The following BAIAP2L2 variants were observed in gnomAD, a reference collection of about 807,000 sequenced individuals.
BAIAP2L2 encodes BAR/IMD domain containing adaptor protein 2 like 2, also known as BAR/IMD domain-containing adapter protein 2-like 2.
A neutral mutation model predicts 60.4 loss-of-function variants in BAIAP2L2; 65 were observed. The ratio of observed to expected loss-of-function variants is 1.08; its 90% CI spans 0.88 to 1.32. The LOEUF (loss-of-function observed/expected upper bound fraction) is 1.32, where lower values mean the gene tolerates loss of function less well. Ranked by LOEUF, BAIAP2L2 falls within the 40% of genes most tolerant of loss-of-function variation. The pLI is 0.00. For missense variants in BAIAP2L2, 836 were observed against 741.2 expected (o/e 1.13, Z -1.48); for synonymous variants, 344 against 301.7 (o/e 1.14, Z -1.45).
rs961055239 is a variant in BAIAP2L2 at position 38,085,018 on chromosome 22, G to A, written c.*282C>T. On this transcript the variant is annotated 3_prime_UTR_variant, in exon 14 of 14. Transcript: ENST00000381669. ...ACGGGGGCAGAAAAGGGGGAAAGAG[G>A]TTAGGGGGCAAGAGGTGGGCCCCCC... 2 of 419,834 alleles carry A rather than the reference G, an allele frequency of 4.8e-6. No individual in the cohort carries two copies. The highest frequency in any genetic ancestry group is 9.3e-5 in the East Asian group (2 of 21,426). 26.0% of individuals were successfully genotyped at this position (419,834 alleles called of 1,614,324 possible).
chr22:38,089,013 C>G (rs745383946), intron 9 of BAIAP2L2, 49 bp from the exon 10 acceptor site: 18 of 1,457,324 alleles, frequency 1.2e-5, no homozygotes, highest in Non-Finnish European at 1.5e-5. Flanking sequence ...TTCTTCCTGG[C>G]GTCTGCCCTC....
chr22:38,085,006 AGGG>A lies in BAIAP2L2; in HGVS notation c.*291_*293del. The A allele has an allele frequency of 2.8e-6, 1 of 356,762 alleles. No homozygotes were observed. Among genetic ancestry groups the A allele is most frequent in the Non-Finnish European group, 5.2e-6 (1 of 191,586 alleles). 22.1% of individuals were successfully genotyped at this position (356,762 alleles called of 1,614,324 possible). Reference sequence around the variant, plus strand: ...GGGCTCCTCCCCACGGGGGCAGAAAAGGGGGAAAGAGGTTAGGGGGCAAGAGGT... The same window carrying A: ...GGGCTCCTCCCCACGGGGGCAGAAAAGGAAAGAGGTTAGGGGGCAAGAGGT... On this transcript the variant is annotated 3_prime_UTR_variant, in exon 14 of 14. Coordinates refer to ENST00000381669, the MANE Select transcript of BAIAP2L2 (RefSeq NM_025045.6).
At chr22:38,104,717 T>C (rs1009271612) in intron 4 of BAIAP2L2, among the ~76,000 whole-genome samples, 23 of 152,118 alleles carry the variant, frequency 1.5e-4, no homozygotes, top group African/African-American at 5.6e-4. Flanking sequence ...AGGATGGTCT[T>C]GATTTCCTGA....
chr22:38,108,051 G>T, intron 3 of BAIAP2L2, 138 bp from the exon 4 acceptor site: 1 of 1,052,238 alleles, frequency 9.5e-7, no homozygotes, highest in Non-Finnish European at 1.4e-6. Flanking sequence ...TTCCCATATG[G>T]TTCTCTGGGA....
At chr22:38,087,416 C>T in intron 10 of BAIAP2L2, 152 bp from the exon 11 acceptor site, 1 of 867,486 alleles carries the variant, frequency 1.2e-6, no homozygotes, top group Non-Finnish European at 1.8e-6. Context: ...TCTGTTTTCA[C>T]CTGCAAGTGC....
At chr22:38,090,952 C>G (rs1434338109) in intron 7 of BAIAP2L2, 1 of 152,254 alleles carries the variant, frequency 6.6e-6, no homozygotes, top group African/African-American at 2.4e-5. Flanking sequence ...CCCTCTGTTT[C>G]CCTGCAGTAA....
At chr22:38,085,757 G>T (rs752391735) in intron 12 of BAIAP2L2, 25 bp from the exon 13 acceptor site, 3 of 1,576,304 alleles carry the variant, frequency 1.9e-6, no homozygotes, top group Non-Finnish European at 2.6e-6. Context: ...GGGAAGGGCT[G>T]GTTTGGTGGG....
At chr22:38,094,589 A>G (rs1015109488) in intron 7 of BAIAP2L2, among the ~76,000 whole-genome samples, 1 of 152,210 alleles carries the variant, frequency 6.6e-6, no homozygotes, top group African/African-American at 2.4e-5. Context: ...GAAAGTGTAC[A>G]CTGTAAATGG....
At position 38,107,851 on chromosome 22, in the gene BAIAP2L2, C is replaced by T. The variant is rs1386258615; in HGVS notation, c.276+1G>A. 6.2e-7 allele frequency: 1 copy of T among 1,613,200 alleles called. No individual in the cohort carries two copies. The highest frequency in any genetic ancestry group is 1.1e-5 in the South Asian group (1 of 91,078). ...TCCAGGCCCTGGGGCCTGATACTCA[C>T]CACCACCTCCAGGTCAGAGTTCAAG... On this transcript the variant is annotated splice_donor_variant, in intron 4 of 13. Coordinates refer to ENST00000381669, the MANE Select transcript of BAIAP2L2 (RefSeq NM_025045.6). LOFTEE classifies it high-confidence loss of function.
At position 38,110,681 on chromosome 22, in the gene BAIAP2L2, T is replaced by C. The variant is rs9622726; in HGVS notation, c.-156A>G. The C allele has an allele frequency of 0.33, 195,029 of 588,244 alleles. 33,843 individuals are homozygous for C. The highest frequency in any genetic ancestry group is 0.41 in the South Asian group (19,716 of 47,592). The allele number at this position is 588,244 out of a possible 1,614,324, so 36.4% of individuals were successfully genotyped here. ...GAGATGGAGGCCTGCCTCAGAGGAG[T>C]GGCAGCTTAATTATTCACCAACTCG... On this transcript the variant is annotated 5_prime_UTR_variant, in exon 1 of 14. Coordinates refer to ENST00000381669, the MANE Select transcript of BAIAP2L2 (RefSeq NM_025045.6).
intron 6 of BAIAP2L2, among the ~76,000 whole-genome samples, chr22:38,097,477 G>A (rs916332280): frequency 6.6e-6 from 1 of 152,256 alleles, no homozygotes; most frequent in African/African-American, 2.4e-5. Flanking sequence ...GGGGGGCAGG[G>A]GGACGGGTTT....
chr22:38,108,421 C>T, intron 2 of BAIAP2L2, 80 bp from the exon 3 acceptor site: 1 of 1,140,142 alleles, frequency 8.8e-7, no homozygotes, highest in Non-Finnish European at 1.3e-6. Flanking sequence ...CTGGAGGGGA[C>T]TGTGTCTGTC....
At chr22:38,110,067 CAGAGAGAGAGAGAG>C (rs1160105939) in intron 1 of BAIAP2L2, among the ~76,000 whole-genome samples, 1 of 4,174 alleles carries the variant, frequency 2.4e-4, no homozygotes, top group Non-Finnish European at 5.8e-4. Context: ...GAGAGAGAGA[CAGAGAGAGAGAGAG>C]ACAGAGAGAG....
chr22:38,102,981 G>A lies in BAIAP2L2; in HGVS notation c.277-4499C>T, dbSNP rs962285267. On this transcript the variant is annotated intron_variant, in intron 4 of 13. Transcript: ENST00000381669. ...GAATGGCGTGAACCTGGGAGGCGGA[G>A]CTTGCAGTGAGCCGATATCACACCA... is the stretch of plus-strand genomic sequence containing the variant. Among the ~76,000 whole-genome samples the A allele has an allele frequency of 9.2e-5, 14 of 151,490 alleles. 1 individual carries two copies. Among genetic ancestry groups the A allele is most frequent in the African/African-American group, 2.7e-4 (11 of 41,180 alleles).
In BAIAP2L2 at chr22:38,086,271, C is replaced by G. The variant is rs758321151; in HGVS notation, c.1438G>C (p.Gly480Arg). ...ACGTCAGTGGCAACTGCTGTGCTGC[C>G]CATGCTGCTGCGGCGGCTGCTGGGC... ...PLPSSRRSSM[G>R]STAVATDVKK... is the part of the protein sequence containing the mutation. The change falls in exon 12 of 14, where the codon GGC becomes CGC. Residue 480 changes from glycine to arginine, a missense_variant. By Grantham distance (125) the Gly-to-Arg change is moderately radical. Coordinates refer to ENST00000381669, the MANE Select transcript of BAIAP2L2 (RefSeq NM_025045.6). 12 of 1,610,406 alleles carry G rather than the reference C, an allele frequency of 7.5e-6. No individual in the cohort carries two copies. In the South Asian group the frequency reaches 1.2e-4, roughly 16 times the overall value.
intron 3 of BAIAP2L2, 95 bp downstream of exon 3, chr22:38,108,160 G>C (rs936778811): frequency 8.1e-7 from 1 of 1,240,256 alleles, no homozygotes; most frequent in African/African-American, 1.5e-5. Context: ...GCCCTGGGCT[G>C]AAAGGCCTGT....
rs2145943694 is a variant in BAIAP2L2, at chr22:38,088,953, T to C, written c.913A>G (p.Ser305Gly). 1 of 1,528,300 alleles carries C rather than the reference T, an allele frequency of 6.5e-7. No homozygotes were observed. The highest frequency in any genetic ancestry group is 8.7e-7 in the Non-Finnish European group (1 of 1,143,234). The allele number at this position is 1,528,300 out of a possible 1,614,324, so 94.7% of individuals were successfully genotyped here. Residue 305 changes from serine (S) to glycine (G), a missense_variant, in exon 10 of 14, where the codon AGC becomes GGC. Coordinates refer to ENST00000381669, the MANE Select transcript of BAIAP2L2 (RefSeq NM_025045.6). Reference sequence around the variant, plus strand: ...GAGCGCGAGCTTTGGGCGCTGCCGCTGTAGAGCGAGGCTGTGGGCGGGAGA... The same window carrying C: ...GAGCGCGAGCTTTGGGCGCTGCCGCCGTAGAGCGAGGCTGTGGGCGGGAGA... ...PRTPSASSLY[S>G]GSAQSSRSNS...
At position 38,085,094 on chromosome 22, in the gene BAIAP2L2, T is replaced by A; in HGVS notation, c.*206A>T. 1 of 546,022 alleles carries A rather than the reference T, an allele frequency of 1.8e-6. No homozygotes were observed. Among genetic ancestry groups the A allele is most frequent in the Non-Finnish European group, 3.3e-6 (1 of 304,534 alleles). The allele number at this position is 546,022 out of a possible 1,614,324, so 33.8% of individuals were successfully genotyped here. On this transcript the variant is annotated 3_prime_UTR_variant, in exon 14 of 14. Transcript: ENST00000381669. ...GGGGAGAAATTGTCCTGTCCCCCCA[T>A]TCCGCCTGCTTTACTTTGAAGGTCT...
intron 1 of BAIAP2L2, 64 bp from the exon 2 acceptor site, chr22:38,109,272 T>C: frequency 7.4e-7 from 1 of 1,344,184 alleles, no homozygotes; most frequent in East Asian, 2.3e-5. Flanking sequence ...GAACCACGGA[T>C]GGAGTCAAGT....
Sources: gnomAD v4.1 joint callset for allele counts (sites outside exome capture counted in the v4.1 genomes callset) on GRCh38, gnomAD v4.1.1 for gene constraint, MANE v1.5 for transcripts, NCBI Gene and HGNC (gene_info 2026-07-23, HGNC 2026-07-21) for gene names.